Variants in FOXK1 observed in about 807,000 individuals in gnomAD.
FOXK1 encodes forkhead box protein K1.
In FOXK1, 19 loss-of-function variants were observed where a neutral mutation model predicts 51.9. The observed-to-expected ratio is 0.37, with a 90% CI of 0.26 to 0.54. FOXK1 has a LOEUF of 0.54. Ranked by LOEUF, FOXK1 falls within the 20% of genes least tolerant of loss-of-function variation. FOXK1 has a pLI of 0.87. For synonymous variants in FOXK1, 537 were observed against 482.6 expected, an observed-to-expected ratio of 1.11 and a Z score of -1.48; for missense variants, 870 against 1,032.7, an observed-to-expected ratio of 0.84 and a Z score of 2.16.
chr7:4,763,343 C>G lies in FOXK1; in HGVS notation c.*879C>G, dbSNP rs1780963914. On this transcript the variant is annotated 3_prime_UTR_variant, in exon 9 of 9. Coordinates refer to ENST00000328914, the MANE Select transcript of FOXK1 (RefSeq NM_001037165.2). ...ACGATTGGGGCCGCTGCTCTGCAGA[C>G]CAGACCTTCCCGAATTATCCGTGGC... 6.6e-6 allele frequency: 1 copy of G among 152,270 alleles called. No individual in the cohort carries two copies. Among genetic ancestry groups the G allele is most frequent in the African/African-American group, 2.4e-5 (1 of 41,460 alleles). The allele number at this position is 152,270 out of a possible 1,614,324, so 9.4% of individuals were successfully genotyped here.
intron 1 of FOXK1, among the ~76,000 whole-genome samples, chr7:4,726,297 G>A (rs961197425): frequency 1.3e-5 from 2 of 152,272 alleles, no homozygotes; most frequent in Admixed American, 1.3e-4. Context: ...GCTGGCCGCG[G>A]CAGGACGGCG....
In FOXK1 at chr7:4,729,314, C is replaced by T. The variant is rs976412519; in HGVS notation, c.561-11524C>T. 6.6e-6 allele frequency among the ~76,000 whole-genome samples: 1 copy of T among 152,174 alleles called. No homozygotes were observed. The highest frequency in any genetic ancestry group is 2.4e-5 in the African/African-American group (1 of 41,438). On this transcript the variant is annotated intron_variant, in intron 1 of 8. Transcript: ENST00000328914. The surrounding 1 kb of genome is among the most constrained non-coding windows in gnomAD (Gnocchi z 6.2). ...TGCTAGAAATGCAGATCGCTGGGGCCACCGCCGTTTGGCCGTGTCAGTCAT... is the reference window on the plus strand; with the variant it reads ...TGCTAGAAATGCAGATCGCTGGGGCTACCGCCGTTTGGCCGTGTCAGTCAT...
rs957589659 is a variant in FOXK1, at chr7:4,747,136, G to C, written c.746+6113G>C. The stretch of plus-strand genomic sequence containing the variant: ...CTGTTGAAAGGACATCCCCACGCCC[G>C]CGTTTCCTGTAATCTCGGAGGGTCC... On this transcript the variant is annotated intron_variant, in intron 2 of 8. Transcript: ENST00000328914. This position sits in a 1 kb window ranked among gnomAD's most constrained non-coding sequence, Gnocchi z 9.2. Among the ~76,000 whole-genome samples the C allele has an allele frequency of 6.6e-6, 1 of 152,216 alleles. No homozygotes were observed. The highest frequency in any genetic ancestry group is 1.5e-5 in the Non-Finnish European group (1 of 68,046).
Position 4,758,690 on chromosome 7 carries a change from G to C in FOXK1, c.1245-361G>C, listed in dbSNP as rs1780887097. On this transcript the variant is annotated intron_variant, in intron 5 of 8. Coordinates refer to ENST00000328914, the MANE Select transcript of FOXK1 (RefSeq NM_001037165.2). The surrounding 1 kb of genome is among the most constrained non-coding windows in gnomAD (Gnocchi z 4.4). ...TCGGGTAGAGTTTTCATGGTGGAAC[G>C]GTTGCGCCCACCAAACAGAAGCTTA... is the stretch of plus-strand genomic sequence containing the variant. 1 of 246,328 alleles carries C rather than the reference G, an allele frequency of 4.1e-6. No individual in the cohort carries two copies. Among genetic ancestry groups the C allele is most frequent in the African/African-American group, 2.3e-5 (1 of 44,150 alleles). 15.3% of individuals were successfully genotyped at this position (246,328 alleles called of 1,614,324 possible).
At chr7:4,691,296 G>T (rs753370933) in intron 1 of FOXK1, among the ~76,000 whole-genome samples, 1 of 152,194 alleles carries the variant, frequency 6.6e-6, no homozygotes, top group East Asian at 1.9e-4. Context: ...CTTGCAAAGC[G>T]TAGCTTTTCT....
rs547766285 is a variant in FOXK1 at position 4,768,196 on chromosome 7, G to A, written c.*5732G>A. The A allele has an allele frequency of 2.5e-5, 3 of 121,092 alleles. No homozygotes were observed. Among genetic ancestry groups the A allele is most frequent in the African/African-American group, 4.2e-5 (1 of 23,718 alleles). 7.5% of individuals were successfully genotyped at this position (121,092 alleles called of 1,614,324 possible). Reference sequence around the variant, plus strand: ...CGCCCAGGCTGGAGTGCAGTGGCGTGATCTCGGCTCACTGCAAGCTCCGCC... The same window carrying A: ...CGCCCAGGCTGGAGTGCAGTGGCGTAATCTCGGCTCACTGCAAGCTCCGCC... On this transcript the variant is annotated 3_prime_UTR_variant, in exon 9 of 9. Transcript: ENST00000328914.
chr7:4,691,438 G>C (rs949480586), intron 1 of FOXK1, among the ~76,000 whole-genome samples: 1 of 152,086 alleles, frequency 6.6e-6, no homozygotes, highest in Admixed American at 6.5e-5. Context: ...GGGTTCAGGC[G>C]ATTCTCCTGC....
intron 1 of FOXK1, among the ~76,000 whole-genome samples, chr7:4,725,057 G>A (rs1280320715): frequency 1.3e-5 from 2 of 152,238 alleles, no homozygotes; most frequent in African/African-American, 2.4e-5. Context: ...GCTCCCCCGA[G>A]GCCATCCAAG....
In FOXK1 at chr7:4,759,304, C is replaced by T. The variant is rs375036990; in HGVS notation, c.1412-7C>T. ...GGGTCACCGTCCGCTCTCCGCCCTC[C>T]GTGCAGGCTCCCCCGTCAGCGCCCA... On this transcript the variant is annotated splice_region_variant and splice_polypyrimidine_tract_variant and intron_variant, in intron 6 of 8. Transcript: ENST00000328914. 362 of 1,600,902 alleles carry T rather than the reference C, an allele frequency of 2.3e-4. No individual in the cohort carries two copies. The African/African-American group carries it at 3.8e-3, about 17-fold the overall frequency.
chr7:4,705,552 T>TCTCTCTCGCTCTCGCTCTCGCTCTCG (rs1554249280), intron 1 of FOXK1, among the ~76,000 whole-genome samples: 31 of 143,538 alleles, frequency 2.2e-4, no homozygotes, highest in African/African-American at 4.9e-4. Context: ...TCTCTCTCTC[T>TCTCTCTCGCTCTCGCTCTCGCTCTCG]CTCTCTCGCT....
intron 1 of FOXK1, among the ~76,000 whole-genome samples, chr7:4,739,544 A>C (rs1042463981): frequency 2.0e-5 from 3 of 152,236 alleles, no homozygotes; most frequent in African/African-American, 7.2e-5. Context: ...AGTTTCTTCA[A>C]GCCAGATGAA....
chr7:4,756,959 G>T lies in FOXK1; in HGVS notation c.1051-35G>T. Reference sequence around the variant, plus strand: ...GTGGGTGGGACTCATTTTCTGATTTGCTGGTGATGGGTGAATATCTCTGCT... The same window carrying T: ...GTGGGTGGGACTCATTTTCTGATTTTCTGGTGATGGGTGAATATCTCTGCT... On this transcript the variant is annotated intron_variant, in intron 4 of 8. Transcript: ENST00000328914. The surrounding 1 kb of genome is among the most constrained non-coding windows in gnomAD (Gnocchi z 4.1). 6.2e-7 allele frequency: 1 copy of T among 1,603,506 alleles called. No individual in the cohort carries two copies.
At chr7:4,708,031 G>A (rs924433495) in intron 1 of FOXK1, among the ~76,000 whole-genome samples, 8 of 151,960 alleles carry the variant, frequency 5.3e-5, no homozygotes, top group African/African-American at 1.9e-4. Context: ...GGGAGAGAGT[G>A]CCCTGGTGCT....
chr7:4,694,597 A>G (rs1779930532), intron 1 of FOXK1, among the ~76,000 whole-genome samples: 1 of 152,168 alleles, frequency 6.6e-6, no homozygotes, highest in African/African-American at 2.4e-5. Context: ...TCACAAATGG[A>G]TTCTGGGGCT....
At chr7:4,698,316 A>G (rs879491403) in intron 1 of FOXK1, among the ~76,000 whole-genome samples, 15 of 151,174 alleles carry the variant, frequency 9.9e-5, no homozygotes, top group South Asian at 2.1e-4. Context: ...GTGTGTGTAT[A>G]TATATATATA....
chr7:4,734,254 C>T lies in FOXK1; in HGVS notation c.561-6584C>T, dbSNP rs1780521954. Among the ~76,000 whole-genome samples, 1 of 152,214 alleles carries T rather than the reference C, an allele frequency of 6.6e-6. No individual in the cohort carries two copies. The highest frequency in any genetic ancestry group is 1.5e-5 in the Non-Finnish European group (1 of 68,040). On this transcript the variant is annotated intron_variant, in intron 1 of 8. Coordinates refer to ENST00000328914, the MANE Select transcript of FOXK1 (RefSeq NM_001037165.2). This position sits in a 1 kb window ranked among gnomAD's most constrained non-coding sequence, Gnocchi z 5.2. ...GGCCTCCCAGACAGAGCCTCTGAAGCTCCTGTTTTCTTTGTCCTTCCTGAG... is the reference window on the plus strand; with the variant it reads ...GGCCTCCCAGACAGAGCCTCTGAAGTTCCTGTTTTCTTTGTCCTTCCTGAG...
Position 4,761,106 on chromosome 7 carries a change from C to A in FOXK1, c.1739C>A (p.Ala580Glu), listed in dbSNP as rs751285223. The change falls in exon 8 of 9, where the codon GCG becomes GAG. Residue 580 changes from alanine (A) to glutamate (E), a missense_variant. Ala to Glu is a moderately radical substitution (Grantham distance 107, BLOSUM62 -1). Coordinates refer to ENST00000328914, the MANE Select transcript of FOXK1 (RefSeq NM_001037165.2). The surrounding 1 kb of genome is among the most constrained non-coding windows in gnomAD (Gnocchi z 6.2). ...KPTIAFATIP[A>E]AGGVIQTVAS... is the part of the protein sequence containing the mutation. Reference sequence around the variant, plus strand: ...ACCATTGCGTTTGCCACAATCCCCGCGGCTGGTGGAGTCATCCAGACGGTG... The same window carrying A: ...ACCATTGCGTTTGCCACAATCCCCGAGGCTGGTGGAGTCATCCAGACGGTG... 80 of 1,612,904 alleles carry A rather than the reference C, an allele frequency of 5.0e-5. No homozygotes were observed. Among genetic ancestry groups the A allele is most frequent in the Non-Finnish European group, 6.0e-5 (71 of 1,179,978 alleles).
rs1471773837 is a variant in FOXK1 at position 4,753,223 on chromosome 7, TTTTC to T, written c.747-1235_747-1232del. Among the ~76,000 whole-genome samples the T allele has an allele frequency of 6.6e-6, 1 of 152,234 alleles. No homozygotes were observed. Among genetic ancestry groups the T allele is most frequent in the African/African-American group, 2.4e-5 (1 of 41,466 alleles). ...CAGGTTTTTCTCAGCCACAGGATTT[TTTTC>T]ATTCATTCCTCTGCTCCATCCAAAA... On this transcript the variant is annotated intron_variant, in intron 2 of 8. Coordinates refer to ENST00000328914, the MANE Select transcript of FOXK1 (RefSeq NM_001037165.2). This position sits in a 1 kb window ranked among gnomAD's most constrained non-coding sequence, Gnocchi z 4.9.
intron 2 of FOXK1, among the ~76,000 whole-genome samples, 171 bp downstream of exon 2, chr7:4,741,194 C>A (rs909985587): frequency 1.3e-5 from 2 of 152,224 alleles, no homozygotes; most frequent in Non-Finnish European, 2.9e-5. Flanking sequence ...TCCGTGAATT[C>A]TCTTACAAAG....
Sources: gnomAD v4.1 joint callset for allele counts (sites outside exome capture counted in the v4.1 genomes callset) on GRCh38, gnomAD v4.1.1 for gene constraint, Gnocchi (gnomAD v3.1) non-coding constraint, MANE v1.5 for transcripts, NCBI Gene and HGNC (gene_info 2026-07-23, HGNC 2026-07-21) for gene names.